The following DMXL1 variants were observed in gnomAD, a reference collection of about 807,000 sequenced individuals.
The protein encoded by DMXL1 is Dmx like 1, also known as dmX-like protein 1.
Under a neutral mutation model 319.2 loss-of-function variants are expected in DMXL1, and 99 were observed. The ratio of observed to expected loss-of-function variants is 0.31; its 90% CI spans 0.26 to 0.37. The LOEUF is 0.37. Among genes scored for constraint, DMXL1 ranks in the 10% least tolerant of loss-of-function variants. The pLI is 1.00. For synonymous variants in DMXL1, 1,385 were observed against 1,235.2 expected (o/e 1.12, Z -2.54); for missense variants, 3,745 against 3,595.6 (o/e 1.04, Z -1.06).
At position 119,121,005 on chromosome 5, in the gene DMXL1, G is replaced by T; in HGVS notation, c.968G>T (p.Arg323Ile). 6.2e-7 allele frequency: 1 copy of T among 1,612,880 alleles called. No homozygotes were observed. Among genetic ancestry groups the T allele is most frequent in the Non-Finnish European group, 8.5e-7 (1 of 1,179,734 alleles). Residue 323 changes from arginine (R) to isoleucine (I), a missense_variant, in exon 9 of 44, where the codon AGA (arginine) becomes ATA (isoleucine). By Grantham distance (97) the Arg-to-Ile change is moderately conservative. This residue lies in a region of DMXL1 where 2,096 missense variants were observed against 1,985.4 expected (regional missense o/e 1.06). Transcript: ENST00000539542. The stretch of plus-strand genomic sequence containing the variant: ...AGACATTTTCGTAGAGGTCGGAGGA[G>T]ATCACTTGCTCTTGTAGCACATACG... Reference protein sequence around the residue: ...NLRHFRRGRRRSLALVAHTGY... With the variant: ...NLRHFRRGRRISLALVAHTGY...
chr5:119,173,667 G>GATGT (rs1356223179), intron 25 of DMXL1, among the ~76,000 whole-genome samples: 1 of 101,418 alleles, frequency 9.9e-6, no homozygotes, highest in African/African-American at 3.4e-5. Flanking sequence ...GAATCAGTAG[G>GATGT]ATGTATGTGT....
At chr5:119,151,253 T>TA (rs1388550447) in intron 18 of DMXL1, among the ~76,000 whole-genome samples, 1 of 152,140 alleles carries the variant, frequency 6.6e-6, no homozygotes, top group African/African-American at 2.4e-5. Flanking sequence ...ACTGCCAAGT[T>TA]ATGAACAGTT....
intron 19 of DMXL1, among the ~76,000 whole-genome samples, chr5:119,155,633 GT>G (rs1770847235): frequency 6.6e-6 from 1 of 152,012 alleles, no homozygotes; most frequent in South Asian, 2.1e-4. Flanking sequence ...AAGGCCAGGA[GT>G]TTAGGATCAG....
chr5:119,121,104 A>G lies in DMXL1; in HGVS notation c.1067A>G (p.His356Arg), dbSNP rs766703061. 2 of 1,608,842 alleles carry G rather than the reference A, an allele frequency of 1.2e-6. No individual in the cohort carries two copies. The highest frequency in any genetic ancestry group is 1.1e-5 in the South Asian group (1 of 89,764). ...NTPLHANALC[H>R]FHIAASINPA... is the part of the protein sequence containing the mutation. The stretch of plus-strand genomic sequence containing the variant: ...CCACTGCATGCCAATGCACTTTGCC[A>G]CTTTCATATTGCAGCCAGCATCAAC... The change falls in exon 9 of 44, where the codon CAC (histidine) becomes CGC (arginine). Residue 356 changes from histidine (H) to arginine (R), a missense_variant. Physicochemically the swap from His to Arg is conservative, Grantham distance 29. Transcript: ENST00000539542.
intron 19 of DMXL1, among the ~76,000 whole-genome samples, chr5:119,157,568 T>G (rs1771377833): frequency 6.6e-6 from 1 of 152,202 alleles, no homozygotes; most frequent in East Asian, 1.9e-4. Context: ...GCACCATTTT[T>G]TGAAGAAACT....
chr5:119,232,443 C>T (rs1456401598), intron 38 of DMXL1, among the ~76,000 whole-genome samples: 1 of 152,030 alleles, frequency 6.6e-6, no homozygotes, highest in Non-Finnish European at 1.5e-5. Flanking sequence ...TACCTCCATA[C>T]CACATTAATA....
chr5:119,131,860 C>T (rs945196414), intron 10 of DMXL1, among the ~76,000 whole-genome samples: 1 of 152,122 alleles, frequency 6.6e-6, no homozygotes, highest in Non-Finnish European at 1.5e-5. Context: ...TGTTTTTCAT[C>T]TTGAATCCAT....
rs1472613906 is a variant in DMXL1 at position 119,220,661 on chromosome 5, CT to C, written c.8135+71del. 2.6e-4 allele frequency: 399 copies of C among 1,542,488 alleles called. 1 individual carries two copies. The highest frequency in any genetic ancestry group is 1.3e-5 in the Non-Finnish European group (15 of 1,137,028). On this transcript the variant is annotated intron_variant, in intron 36 of 43. Transcript: ENST00000539542. ...AGTGACTATATTTACTGAACTAAAA[CT>C]TTCAAAAGATTCTTTAAAGCAATGT...
At chr5:119,148,682 A>G in intron 17 of DMXL1, 57 bp from the exon 18 acceptor site, 1 of 1,527,334 alleles carries the variant, frequency 6.5e-7, no homozygotes, top group East Asian at 2.3e-5. Flanking sequence ...TAAGTACATA[A>G]AAACAGAAGT....
intron 34 of DMXL1, 130 bp downstream of exon 34, chr5:119,207,026 CTTTTA>C (rs1334438308): frequency 3.6e-6 from 2 of 561,036 alleles, no homozygotes; most frequent in Non-Finnish European, 6.0e-6. Flanking sequence ...AATTATTCTC[CTTTTA>C]TTTTAACAAC....
intron 1 of DMXL1, among the ~76,000 whole-genome samples, chr5:119,088,162 T>C (rs1269269092): frequency 6.6e-6 from 1 of 152,250 alleles, no homozygotes; most frequent in Non-Finnish European, 1.5e-5. Flanking sequence ...TATAATTGTT[T>C]ATACTATTTC....
chr5:119,147,028 T>G lies in DMXL1; in HGVS notation c.2689+72T>G, dbSNP rs1581008933. 6 of 1,534,490 alleles carry G rather than the reference T, an allele frequency of 3.9e-6. No individual in the cohort carries two copies. The East Asian group carries it at 9.0e-5, about 23-fold the overall frequency. Reference sequence around the variant, plus strand: ...TAACAAATTACACAAAATTAGATAATTTGGGACATATTTCTTAAAGCCATT... The same window carrying G: ...TAACAAATTACACAAAATTAGATAAGTTGGGACATATTTCTTAAAGCCATT... On this transcript the variant is annotated intron_variant, in intron 16 of 43. Transcript: ENST00000539542.
chr5:119,115,675 G>A (rs1363556177), intron 6 of DMXL1, among the ~76,000 whole-genome samples: 1 of 152,000 alleles, frequency 6.6e-6, no homozygotes, highest in African/African-American at 2.4e-5. Flanking sequence ...CTATAAATTT[G>A]ATTGTACAAA....
chr5:119,212,575 G>T (rs893431096), intron 34 of DMXL1, among the ~76,000 whole-genome samples: 2 of 152,064 alleles, frequency 1.3e-5, no homozygotes, highest in African/African-American at 4.8e-5. Flanking sequence ...AAGTGGAATT[G>T]CTAGATCATA....
At chr5:119,110,992 T>C (rs1759459296) in intron 5 of DMXL1, among the ~76,000 whole-genome samples, 2 of 152,180 alleles carry the variant, frequency 1.3e-5, no homozygotes, top group African/African-American at 2.4e-5. Flanking sequence ...TTTCACCATG[T>C]TGGCCAGGCT....
intron 34 of DMXL1, among the ~76,000 whole-genome samples, chr5:119,215,175 A>C (rs1019948704): frequency 2.0e-5 from 3 of 152,202 alleles, no homozygotes; most frequent in Non-Finnish European, 4.4e-5. Flanking sequence ...AGCAAGTTAT[A>C]CTTTAGATTA....
chr5:119,147,280 G>A lies in DMXL1; in HGVS notation c.2721G>A (p.Ala907=), dbSNP rs112673276. Residue 907 remains alanine, a synonymous_variant, in exon 17 of 44, where the codon GCG becomes GCA. Coordinates refer to ENST00000539542, the MANE Select transcript of DMXL1 (RefSeq NM_001290321.3). ...DEKVDTKLSE[A]VWQPEEHYSS... is the part of the protein sequence containing the mutation. Reference sequence around the variant, plus strand: ...AAGTAGATACAAAATTATCCGAAGCGGTTTGGCAGCCAGAAGAACATTATT... The same window carrying A: ...AAGTAGATACAAAATTATCCGAAGCAGTTTGGCAGCCAGAAGAACATTATT... The A allele has an allele frequency of 6.0e-3, 9,650 of 1,613,162 alleles. 438 individuals carry two copies. In the African/African-American group the frequency reaches 0.11, roughly 18 times the overall value.
intron 28 of DMXL1, among the ~76,000 whole-genome samples, chr5:119,189,425 A>T (rs1778316628): frequency 1.3e-5 from 2 of 152,150 alleles, no homozygotes; most frequent in Admixed American, 6.5e-5. Context: ...TAAATTGTGG[A>T]CTGATTTATG....
intron 1 of DMXL1, among the ~76,000 whole-genome samples, chr5:119,096,241 A>G (rs1174515855): frequency 6.7e-6 from 1 of 149,196 alleles, no homozygotes; most frequent in Non-Finnish European, 1.5e-5. Flanking sequence ...CAGTGGCGCG[A>G]TCTCAGCTTG....
Sources: gnomAD v4.1 joint callset for allele counts (sites outside exome capture counted in the v4.1 genomes callset) on GRCh38, gnomAD v4.1.1 for gene constraint, gnomAD v4.1.1 regional missense constraint, MANE v1.5 for transcripts, NCBI Gene and HGNC (gene_info 2026-07-23, HGNC 2026-07-21) for gene names.